Variants in RBKS observed in about 807,000 individuals in gnomAD.
The protein encoded by RBKS is ribokinase.
RBKS carries 33 observed loss-of-function variants against 33.9 expected under a neutral mutation model. The ratio of observed to expected loss-of-function variants is 0.97; its 90% CI spans 0.74 to 1.30. The LOEUF is 1.30. RBKS is among the 50% of genes most tolerant of loss of function. RBKS has a pLI of 0.00. For missense variants in RBKS, 361 were observed against 392.6 expected (o/e 0.92, Z 0.68); for synonymous variants, 125 against 143.0 (o/e 0.87, Z 0.90).
intron 7 of RBKS, among the ~76,000 whole-genome samples, chr2:27,826,440 C>T (rs1297914898): frequency 2.0e-5 from 3 of 148,678 alleles, no homozygotes; most frequent in African/African-American, 7.5e-5. Context: ...GACGGACTCT[C>T]GCTCTATTGC....
chr2:27,817,584 G>A (rs1307472887), intron 7 of RBKS, among the ~76,000 whole-genome samples: 1 of 152,192 alleles, frequency 6.6e-6, no homozygotes, highest in Admixed American at 6.5e-5. Context: ...GCATGGCTGT[G>A]GAGGCCTCAG....
intron 1 of RBKS, among the ~76,000 whole-genome samples, chr2:27,881,505 C>T (rs993801044): frequency 6.6e-6 from 1 of 152,000 alleles, no homozygotes; most frequent in African/African-American, 2.4e-5. Flanking sequence ...TGTGCCACTA[C>T]ACTCCAGCCT....
chr2:27,839,290 C>T (rs1469066938), intron 5 of RBKS, among the ~76,000 whole-genome samples: 1 of 152,174 alleles, frequency 6.6e-6, no homozygotes, highest in Non-Finnish European at 1.5e-5. Flanking sequence ...TTAACTTTGG[C>T]AATTTTACAA....
At chr2:27,804,329 A>G (rs148541177) in intron 7 of RBKS, among the ~76,000 whole-genome samples, 13 of 152,174 alleles carry the variant, frequency 8.5e-5, no homozygotes, top group Admixed American at 3.9e-4. Flanking sequence ...AGAAATCTTC[A>G]TCTCCCTTGA....
intron 7 of RBKS, among the ~76,000 whole-genome samples, chr2:27,809,143 G>A (rs529878683): frequency 3.3e-5 from 5 of 152,344 alleles, no homozygotes; most frequent in South Asian, 2.1e-4. Flanking sequence ...TGTGGCTTAC[G>A]CACTGGCACA....
At chr2:27,870,866 A>G (rs901322497) in intron 1 of RBKS, 14 of 460,572 alleles carry the variant, frequency 3.0e-5, no homozygotes, top group African/African-American at 1.6e-4. Flanking sequence ...AAAAGTGCAC[A>G]TAACATATCC....
In RBKS at chr2:27,856,499, A is replaced by C. The variant is rs917035812; in HGVS notation, c.222+1940T>G. Among the ~76,000 whole-genome samples the C allele has an allele frequency of 3.9e-5, 6 of 152,150 alleles. 1 individual carries two copies. Among genetic ancestry groups the C allele is most frequent in the Admixed American group, 6.5e-5 (1 of 15,276 alleles). Reference sequence around the variant, plus strand: ...CCACGTTCAGTTCCATAACTCAAATATTTCTCTTTGTCATTTCTTTCTTTG... The same window carrying C: ...CCACGTTCAGTTCCATAACTCAAATCTTTCTCTTTGTCATTTCTTTCTTTG... On this transcript the variant is annotated intron_variant, in intron 2 of 7. Coordinates refer to ENST00000302188, the MANE Select transcript of RBKS (RefSeq NM_022128.3).
At chr2:27,839,224 C>T (rs923000802) in intron 5 of RBKS, among the ~76,000 whole-genome samples, 2 of 152,104 alleles carry the variant, frequency 1.3e-5, no homozygotes, top group Non-Finnish European at 2.9e-5. Flanking sequence ...GTTTTGTTTG[C>T]CAAAGGCAAA....
intron 7 of RBKS, among the ~76,000 whole-genome samples, chr2:27,797,422 A>G (rs1044774608): frequency 6.6e-5 from 10 of 152,216 alleles, no homozygotes; most frequent in African/African-American, 2.4e-4. Context: ...GGATTCAAGG[A>G]GGTTAAATCT....
chr2:27,783,241 G>C (rs527448607), intron 7 of RBKS, among the ~76,000 whole-genome samples: 75 of 152,080 alleles, frequency 4.9e-4, no homozygotes, highest in African/African-American at 1.7e-3. Flanking sequence ...CCAGGAGTTT[G>C]AGACCAGACT....
intron 7 of RBKS, among the ~76,000 whole-genome samples, chr2:27,826,011 T>C (rs1678304695): frequency 6.6e-6 from 1 of 152,198 alleles, no homozygotes; most frequent in African/African-American, 2.4e-5. Flanking sequence ...AAGGATCCCC[T>C]CAAATTCAGG....
intron 2 of RBKS, among the ~76,000 whole-genome samples, chr2:27,853,150 G>A (rs767150184): frequency 2.0e-5 from 3 of 151,982 alleles, no homozygotes; most frequent in African/African-American, 4.8e-5. Context: ...AAGACTGCTC[G>A]AGGACAGGAG....
chr2:27,822,314 TG>T (rs1283238074), intron 7 of RBKS, among the ~76,000 whole-genome samples: 1 of 152,132 alleles, frequency 6.6e-6, no homozygotes, highest in Non-Finnish European at 1.5e-5. Context: ...TTTCTACTGG[TG>T]GCAGTGACAA....
chr2:27,815,212 TC>T (rs989703934), intron 7 of RBKS, among the ~76,000 whole-genome samples: 27 of 152,120 alleles, frequency 1.8e-4, no homozygotes, highest in South Asian at 2.1e-4. Flanking sequence ...TGGTTTTTTT[TC>T]CCCCCTCTTT....
intron 7 of RBKS, among the ~76,000 whole-genome samples, chr2:27,814,980 A>G (rs1298662146): frequency 6.6e-6 from 1 of 152,220 alleles, no homozygotes; most frequent in Non-Finnish European, 1.5e-5. Context: ...TTAACTGTTT[A>G]TTCACAGTAC....
intron 7 of RBKS, among the ~76,000 whole-genome samples, chr2:27,791,707 ATC>A (rs1677531075): frequency 6.7e-6 from 1 of 148,714 alleles, no homozygotes. Flanking sequence ...ATACGTATAC[ATC>A]TCTCTTCTTG....
Position 27,858,530 on chromosome 2 carries a change from C to T in RBKS, c.131G>A (p.Gly44Glu). 1.2e-6 allele frequency: 2 copies of T among 1,613,940 alleles called. No homozygotes were observed. Among genetic ancestry groups the T allele is most frequent in the Non-Finnish European group, 1.7e-6 (2 of 1,179,936 alleles). Residue 44 changes from glycine to glutamate, a missense_variant, in exon 2 of 8, where the codon GGA becomes GAA. Coordinates refer to ENST00000302188, the MANE Select transcript of RBKS (RefSeq NM_022128.3). Reference sequence around the variant, plus strand: ...TCCAAAGCCAATAAAAAACTTATGTCCATGGATGGTTTCTCCAGTTTTTGG... The same window carrying T: ...TCCAAAGCCAATAAAAAACTTATGTTCATGGATGGTTTCTCCAGTTTTTGG... Reference protein sequence around the residue: ...RLPKTGETIHGHKFFIGFGGK... With the variant: ...RLPKTGETIHEHKFFIGFGGK...
At chr2:27,781,819 GCA>G (rs1282458291) in intron 7 of RBKS, 31 bp from the exon 8 acceptor site, 1 of 1,569,730 alleles carries the variant, frequency 6.4e-7, no homozygotes, top group Non-Finnish European at 8.7e-7. Flanking sequence ...TTGAAGATAA[GCA>G]TGTAGTCAAT....
intron 3 of RBKS, 139 bp from the exon 4 acceptor site, chr2:27,847,243 A>G (rs909864463): frequency 5.9e-5 from 33 of 556,728 alleles, no homozygotes; most frequent in Non-Finnish European, 1.0e-4. Flanking sequence ...AAAATAAGTA[A>G]TTAGTGCTAA....
Sources: allele counts gnomAD v4.1 joint callset (sites outside exome capture counted in the v4.1 genomes callset), GRCh38; gene constraint gnomAD v4.1.1; transcripts MANE v1.5; gene names NCBI Gene and HGNC (gene_info 2026-07-23, HGNC 2026-07-21).